The following LIPE variants were observed in gnomAD, a reference collection of about 807,000 sequenced individuals.
LIPE encodes the protein lipase E, hormone sensitive type.
Under a neutral mutation model 88.5 loss-of-function variants are expected in LIPE, and 66 were observed. The ratio of observed to expected loss-of-function variants is 0.75; its 90% CI spans 0.61 to 0.91. LIPE has a LOEUF of 0.91. Ranked by LOEUF, LIPE falls within the 40% of genes least tolerant of loss-of-function variation. The pLI is 0.00. For synonymous variants in LIPE, 570 were observed against 617.5 expected (o/e 0.92, Z 1.14); for missense variants, 1,346 against 1,434.7 (o/e 0.94, Z 1.00).
chr19:42,408,824 TAA>T lies in LIPE; in HGVS notation c.1420-504_1420-503del, dbSNP rs34023098. ...GGGCGACAGAGCGAGACTCTGTCTCTAAAAAAAAAAAAAGGTGAGCTCATGCT... is the reference window on the plus strand; with the variant it reads ...GGGCGACAGAGCGAGACTCTGTCTCTAAAAAAAAAAAGGTGAGCTCATGCT... On this transcript the variant is annotated intron_variant, in intron 2 of 9. Coordinates refer to ENST00000244289, the MANE Select transcript of LIPE (RefSeq NM_005357.4). The surrounding 1 kb of genome is among the most constrained non-coding windows in gnomAD (Gnocchi z 4.3). 2.2e-5 allele frequency among the ~76,000 whole-genome samples: 3 copies of T among 136,764 alleles called. No homozygotes were observed. The highest frequency in any genetic ancestry group is 2.7e-5 in the African/African-American group (1 of 36,666). The allele number at this position is 136,764 out of a possible 152,430, so 89.7% of individuals were successfully genotyped here. A position where few individuals can be genotyped will look rare whatever the true frequency, so the allele number is the denominator to read the frequency against.
At chr19:42,405,963 C>CTG (rs1316633207) in intron 7 of LIPE, 198 bp downstream of exon 7, 192 of 487,228 alleles carry the variant, frequency 3.9e-4, no homozygotes, top group African/African-American at 2.2e-3. Flanking sequence ...GTCTGTCTGT[C>CTG]TCTCTCTCTC....
At position 42,407,582 on chromosome 19, in the gene LIPE, C is replaced by G. The variant is rs1191905523; in HGVS notation, c.1842+24G>C. On this transcript the variant is annotated intron_variant, in intron 5 of 9. Coordinates refer to ENST00000244289, the MANE Select transcript of LIPE (RefSeq NM_005357.4). The surrounding 1 kb of genome is among the most constrained non-coding windows in gnomAD (Gnocchi z 5.8). ...CCACGCTCCTCGGCTCTGTCCCTGT[C>G]CCTGGCTGAGGCTGGAACCCTACCT... 4.4e-6 allele frequency: 7 copies of G among 1,593,254 alleles called. No homozygotes were observed. Among genetic ancestry groups the G allele is most frequent in the Non-Finnish European group, 6.0e-6 (7 of 1,168,300 alleles).
At chr19:42,426,191 C>G (rs1043157239) in intron 1 of LIPE, 76 bp downstream of exon 1, 1 of 1,449,338 alleles carries the variant, frequency 6.9e-7, no homozygotes, top group South Asian at 1.4e-5. Context: ...CCTGATACAC[C>G]GTAAGTTTTT....
At chr19:42,417,573 A>C (rs1435655519) in intron 1 of LIPE, among the ~76,000 whole-genome samples, 1 of 151,990 alleles carries the variant, frequency 6.6e-6, no homozygotes, top group African/African-American at 2.4e-5. Context: ...GTGTTTTTTA[A>C]GAGACAGGGC....
rs769221188 is a variant in LIPE, at chr19:42,410,610, C to T, written c.1116G>A (p.Gly372=). 1.2e-6 allele frequency: 2 copies of T among 1,613,464 alleles called. No homozygotes were observed. The highest frequency in any genetic ancestry group is 2.2e-5 in the South Asian group (2 of 91,074). The change falls in exon 2 of 10, where the codon GGG becomes GGA. Residue 372 remains glycine (G), a synonymous_variant. Coordinates refer to ENST00000244289, the MANE Select transcript of LIPE (RefSeq NM_005357.4). The surrounding 1 kb of genome is among the most constrained non-coding windows in gnomAD (Gnocchi z 6.1). ...GGGCTGTGTGCACTAGGCTGCGGTACCCGTTGGCCGGTGTCTCTGGGTCCA... is the reference window on the plus strand; with the variant it reads ...GGGCTGTGTGCACTAGGCTGCGGTATCCGTTGGCCGGTGTCTCTGGGTCCA... The part of the protein sequence containing the change: ...FDLDPETPAN[G]YRSLVHTARC...
In LIPE at chr19:42,410,700, C is replaced by CCGTA; in HGVS notation, c.1022_1025dup (p.Glu343ThrfsTer22). ...CCGGCTCCAGCCCCAGCGCCTGCTC[C>CCGTA]CGTACACCGGCAAAAACGCCTGACA... On this transcript the variant is annotated frameshift_variant, in exon 2 of 10. Coordinates refer to ENST00000244289, the MANE Select transcript of LIPE (RefSeq NM_005357.4). LOFTEE classifies it high-confidence loss of function. This position sits in a 1 kb window ranked among gnomAD's most constrained non-coding sequence, Gnocchi z 6.1. 6.2e-7 allele frequency: 1 copy of CCGTA among 1,613,688 alleles called. No homozygotes were observed. Among genetic ancestry groups the CCGTA allele is most frequent in the East Asian group, 2.2e-5 (1 of 44,874 alleles).
Position 42,405,563 on chromosome 19 carries a change from T to C in LIPE, c.2366-2A>G. 1 of 1,611,668 alleles carries C rather than the reference T, an allele frequency of 6.2e-7. No individual in the cohort carries two copies. The highest frequency in any genetic ancestry group is 8.5e-7 in the Non-Finnish European group (1 of 1,178,270). The stretch of plus-strand genomic sequence containing the variant: ...TGGAGTGGTCCTCCGTCTTTGCACC[T>C]GCAGAATATATGTGGGTAGCTGAGT... On this transcript the variant is annotated splice_acceptor_variant, in intron 7 of 9. Transcript: ENST00000244289. LOFTEE classifies it high-confidence loss of function.
In LIPE at chr19:42,408,508, A is replaced by G. The variant is rs1268371768; in HGVS notation, c.1420-186T>C. 3 of 600,618 alleles carry G rather than the reference A, an allele frequency of 5.0e-6. No individual in the cohort carries two copies. Among genetic ancestry groups the G allele is most frequent in the Non-Finnish European group, 6.0e-6 (2 of 334,968 alleles). 37.2% of individuals were successfully genotyped at this position (600,618 alleles called of 1,614,324 possible). A position where few individuals can be genotyped will look rare whatever the true frequency, so the allele number is the denominator to read the frequency against. On this transcript the variant is annotated intron_variant, in intron 2 of 9. Transcript: ENST00000244289. The surrounding 1 kb of genome is among the most constrained non-coding windows in gnomAD (Gnocchi z 4.3). The stretch of plus-strand genomic sequence containing the variant: ...GATGTTCTCAAAGGGAAAACAAATG[A>G]TCAGCAGATAAGCAAAGCCACGCGC...
In LIPE at chr19:42,402,587, C is replaced by G. The variant is rs2040017037; in HGVS notation, c.2967+20G>C. 1 of 1,471,944 alleles carries G rather than the reference C, an allele frequency of 6.8e-7. No individual in the cohort carries two copies. The highest frequency in any genetic ancestry group is 2.4e-5 in the East Asian group (1 of 41,846). 91.2% of individuals were successfully genotyped at this position (1,471,944 alleles called of 1,614,324 possible). A position where few individuals can be genotyped will look rare whatever the true frequency, so the allele number is the denominator to read the frequency against. On this transcript the variant is annotated intron_variant, in intron 9 of 9. Coordinates refer to ENST00000244289, the MANE Select transcript of LIPE (RefSeq NM_005357.4). Reference sequence around the variant, plus strand: ...TGCTCTTCTCTAAATGCACCTGTACCGGCCCCCTCTGTCGCTCACCACGAT... The same window carrying G: ...TGCTCTTCTCTAAATGCACCTGTACGGGCCCCCTCTGTCGCTCACCACGAT...
intron 1 of LIPE, among the ~76,000 whole-genome samples, chr19:42,418,529 TG>T (rs1415807983): frequency 6.6e-6 from 1 of 152,074 alleles, no homozygotes; most frequent in African/African-American, 2.4e-5. Flanking sequence ...TAGCATAGTA[TG>T]GGGCCAGGCG....
At position 42,401,819 on chromosome 19, in the gene LIPE, C is replaced by A; in HGVS notation, c.3224G>T (p.Arg1075Leu). 2 of 1,488,964 alleles carry A rather than the reference C, an allele frequency of 1.3e-6. No homozygotes were observed. The highest frequency in any genetic ancestry group is 1.4e-5 in the African/African-American group (1 of 69,604). The allele number at this position is 1,488,964 out of a possible 1,614,324, so 92.2% of individuals were successfully genotyped here. ...AAGVDGGCGG[R>L]H Reference sequence around the variant, plus strand: ...GATGGGAACAACAGGCTTTTAGTGTCGCCCCCCGCAGCCCCCGTCTACCCC... The same window carrying A: ...GATGGGAACAACAGGCTTTTAGTGTAGCCCCCCGCAGCCCCCGTCTACCCC... The change falls in exon 10 of 10, where the codon CGA becomes CTA. Residue 1075 changes from arginine to leucine, a missense_variant. By Grantham distance (102) the Arg-to-Leu change is moderately radical (BLOSUM62 -2). Coordinates refer to ENST00000244289, the MANE Select transcript of LIPE (RefSeq NM_005357.4).
At chr19:42,423,436 C>T (rs1240979797) in intron 1 of LIPE, 7 of 1,289,366 alleles carry the variant, frequency 5.4e-6, no homozygotes, top group Non-Finnish European at 7.1e-6. Flanking sequence ...CTTGTCTTTT[C>T]GCCACCGCCG....
Position 42,402,850 on chromosome 19 carries a change from A to T in LIPE, c.2724T>A (p.Asp908Glu). 6.2e-7 allele frequency: 1 copy of T among 1,613,146 alleles called. No individual in the cohort carries two copies. Residue 908 changes from aspartate (D) to glutamate (E), a missense_variant, in exon 9 of 10, where the codon GAT becomes GAA. Coordinates refer to ENST00000244289, the MANE Select transcript of LIPE (RefSeq NM_005357.4). The stretch of plus-strand genomic sequence containing the variant: ...CCTCAGGTGGTAATAAGAAGTTGAC[A>T]TCGGAGGGTGTGGAGGGGCTAAGTG... ...AETLSPSTPSDVNFLLPPEDA... is the reference protein window; with the variant it reads ...AETLSPSTPSEVNFLLPPEDA...
intron 8 of LIPE, among the ~76,000 whole-genome samples, chr19:42,403,811 G>A (rs1014739418): frequency 1.8e-4 from 27 of 152,166 alleles, no homozygotes; most frequent in Non-Finnish European, 3.7e-4. Context: ...TGTTCACAGG[G>A]AGCTAACAAG....
chr19:42,410,587 G>A lies in LIPE; in HGVS notation c.1139C>T (p.Ala380Val). The A allele has an allele frequency of 1.9e-6, 3 of 1,613,178 alleles. No homozygotes were observed. Among genetic ancestry groups the A allele is most frequent in the South Asian group, 1.1e-5 (1 of 91,082 alleles). The change falls in exon 2 of 10, where the codon GCC (alanine) becomes GTC (valine). Residue 380 changes from alanine to valine, a missense_variant. Coordinates refer to ENST00000244289, the MANE Select transcript of LIPE (RefSeq NM_005357.4). This position sits in a 1 kb window ranked among gnomAD's most constrained non-coding sequence, Gnocchi z 6.1. ...ANGYRSLVHT[A>V]RCCLAHLLHK... The stretch of plus-strand genomic sequence containing the variant: ...CAGGAGGTGCGCCAGGCAGCAGCGG[G>A]CTGTGTGCACTAGGCTGCGGTACCC...
intron 8 of LIPE, among the ~76,000 whole-genome samples, chr19:42,403,653 A>G (rs1259047141): frequency 6.6e-6 from 1 of 151,772 alleles, no homozygotes; most frequent in Non-Finnish European, 1.5e-5. Context: ...GGGTTTCGCC[A>G]TGTTGGCCAG....
chr19:42,421,706 C>G (rs2040601812), intron 1 of LIPE, among the ~76,000 whole-genome samples: 1 of 152,230 alleles, frequency 6.6e-6, no homozygotes, highest in African/African-American at 2.4e-5. Context: ...GCCTTGGTCC[C>G]TCAGAGCCCC....
In LIPE at chr19:42,403,729, A is replaced by G. The variant is rs143681144; in HGVS notation, c.2543-698T>C. Among the ~76,000 whole-genome samples, 8 of 152,198 alleles carry G rather than the reference A, an allele frequency of 5.3e-5. No homozygotes were observed. The East Asian group carries it at 1.5e-3, about 29-fold the overall frequency. On this transcript the variant is annotated intron_variant, in intron 8 of 9. Coordinates refer to ENST00000244289, the MANE Select transcript of LIPE (RefSeq NM_005357.4). ...CGGCCTCCCATAGTGCTGGGATTAC[A>G]CTTACCACAAGGTGTAAATGGATCA...
chr19:42,423,815 G>A (rs2040653012), intron 1 of LIPE: 2 of 1,114,070 alleles, frequency 1.8e-6, no homozygotes, highest in Non-Finnish European at 2.2e-6. Flanking sequence ...CGTCCTTCGG[G>A]CAGGACTAGT....
Sources: allele counts gnomAD v4.1 joint callset (sites outside exome capture counted in the v4.1 genomes callset), GRCh38; gene constraint gnomAD v4.1.1; non-coding constraint Gnocchi (gnomAD v3.1); transcripts MANE v1.5; gene names NCBI Gene and HGNC (gene_info 2026-07-23, HGNC 2026-07-21).